The following GRIN2A variants were observed in gnomAD, a reference collection of about 807,000 sequenced individuals.
GRIN2A encodes glutamate receptor ionotropic, NMDA 2A.
Under a neutral mutation model 113.4 loss-of-function variants are expected in GRIN2A, and 22 were observed. The ratio of observed to expected loss-of-function variants is 0.19; its 90% confidence interval spans 0.14 to 0.28. GRIN2A has a LOEUF of 0.28. GRIN2A is among the 10% of genes least tolerant of loss of function. The probability of loss-of-function intolerance (pLI) is 1.00; values close to 1 mark genes in which losing one functional copy is unlikely to be tolerated. For synonymous variants in GRIN2A, 827 were observed against 738.4 expected, an observed-to-expected ratio of 1.12 and a Z score of -1.94; for missense variants, 1,502 against 1,887.0, an observed-to-expected ratio of 0.80 and a Z score of 3.78.
intron 10 of GRIN2A, among the ~76,000 whole-genome samples, chr16:9,820,665 T>A (rs944522613): frequency 5.3e-5 from 8 of 152,084 alleles, no homozygotes; most frequent in African/African-American, 1.9e-4. Context: ...TGTGGCTTTA[T>A]TTCTATGTTA....
intron 2 of GRIN2A, among the ~76,000 whole-genome samples, chr16:10,061,878 G>A (rs2047556623): frequency 6.6e-6 from 1 of 152,110 alleles, no homozygotes; most frequent in African/African-American, 2.4e-5. Flanking sequence ...AAGGCCAATC[G>A]AACTCAGCAG....
At chr16:10,081,280 C>T (rs1370600292) in intron 2 of GRIN2A, among the ~76,000 whole-genome samples, 1 of 152,206 alleles carries the variant, frequency 6.6e-6, no homozygotes, top group Non-Finnish European at 1.5e-5. Flanking sequence ...GTTAATTCCA[C>T]TTGCCTGGTT....
chr16:9,792,744 A>G (rs1283678666), intron 11 of GRIN2A, among the ~76,000 whole-genome samples: 2 of 152,168 alleles, frequency 1.3e-5, no homozygotes, highest in Non-Finnish European at 2.9e-5. Context: ...TAAATCCACA[A>G]CCATTAAAAC....
intron 4 of GRIN2A, among the ~76,000 whole-genome samples, chr16:9,863,298 G>T (rs919524246): frequency 6.6e-6 from 1 of 152,184 alleles, no homozygotes; most frequent in African/African-American, 2.4e-5. Context: ...CCAGGTTCTC[G>T]CCCCAATATG....
intron 2 of GRIN2A, among the ~76,000 whole-genome samples, chr16:10,118,409 T>C (rs1248540902): frequency 1.3e-5 from 2 of 152,190 alleles, no homozygotes. Flanking sequence ...GACATCAATG[T>C]ACTGCTGTGG....
rs571565157 is a variant in GRIN2A, at chr16:9,986,553, A to G, written c.415-48002T>C. Among the ~76,000 whole-genome samples the G allele has an allele frequency of 9.9e-5, 15 of 152,220 alleles. No individual in the cohort carries two copies. The South Asian group carries it at 3.1e-3, about 32-fold the overall frequency. On this transcript the variant is annotated intron_variant, in intron 2 of 12. Coordinates refer to ENST00000330684, the MANE Select transcript of GRIN2A (RefSeq NM_001134407.3). ...GCCAAGGTGGGCGGATCATGAGGTCAGGAGTTCGAGACCAGTCTGGTCAAC... is the reference window on the plus strand; with the variant it reads ...GCCAAGGTGGGCGGATCATGAGGTCGGGAGTTCGAGACCAGTCTGGTCAAC...
At chr16:10,037,234 T>A (rs1034933508) in intron 2 of GRIN2A, 2 of 151,962 alleles carry the variant, frequency 1.3e-5, no homozygotes, top group African/African-American at 4.8e-5. Context: ...CAAAACTCTA[T>A]CTCCCTAATG....
intron 2 of GRIN2A, among the ~76,000 whole-genome samples, chr16:10,007,827 C>G (rs2046431826): frequency 6.6e-6 from 1 of 152,076 alleles, no homozygotes; most frequent in African/African-American, 2.4e-5. Flanking sequence ...ATATGATTGA[C>G]TTGGAGACAC....
chr16:10,143,507 A>G (rs1159408402), intron 2 of GRIN2A, among the ~76,000 whole-genome samples: 1 of 152,204 alleles, frequency 6.6e-6, no homozygotes, highest in Admixed American at 6.5e-5. Flanking sequence ...TGATGATATT[A>G]AGGAATTATT....
At chr16:9,786,253 C>T (rs918907270) in intron 11 of GRIN2A, among the ~76,000 whole-genome samples, 2 of 152,176 alleles carry the variant, frequency 1.3e-5, no homozygotes, top group African/African-American at 2.4e-5. Context: ...AAGCCTGTAT[C>T]GAGGCCAAAC....
intron 2 of GRIN2A, among the ~76,000 whole-genome samples, chr16:10,083,844 G>A (rs1380475479): frequency 6.6e-6 from 1 of 152,182 alleles, no homozygotes; most frequent in African/African-American, 2.4e-5. Context: ...GCTCATGCCT[G>A]TAGTCCCAGA....
chr16:9,959,918 A>G (rs916550115), intron 2 of GRIN2A, among the ~76,000 whole-genome samples: 2 of 152,262 alleles, frequency 1.3e-5, no homozygotes, highest in African/African-American at 4.8e-5. Flanking sequence ...GGTTGCATTG[A>G]GCCAAAATCG....
chr16:9,771,735 C>A (rs1901286540), intron 11 of GRIN2A, among the ~76,000 whole-genome samples: 1 of 152,098 alleles, frequency 6.6e-6, no homozygotes, highest in South Asian at 2.1e-4. Flanking sequence ...CAGAAACATC[C>A]CTATAGAGAG....
rs541713079 is a variant in GRIN2A, at chr16:10,084,657, C to A, written c.414+95341G>T. 1.6e-4 allele frequency among the ~76,000 whole-genome samples: 24 copies of A among 152,298 alleles called. No individual in the cohort carries two copies. The South Asian group carries it at 5.0e-3, about 32-fold the overall frequency. ...TGTCATCTCCTCTGGGGAAGTTTTT[C>A]ATCATCTTTGCTCAATTAGGAATTA... On this transcript the variant is annotated intron_variant, in intron 2 of 12. Coordinates refer to ENST00000330684, the MANE Select transcript of GRIN2A (RefSeq NM_001134407.3).
At chr16:10,165,968 CA>C (rs1333499836) in intron 2 of GRIN2A, among the ~76,000 whole-genome samples, 1 of 152,190 alleles carries the variant, frequency 6.6e-6, no homozygotes, top group Non-Finnish European at 1.5e-5. Context: ...AAGCCATGCA[CA>C]CACCCTAACA....
At position 9,890,524 on chromosome 16, in the gene GRIN2A, C is replaced by T. The variant is rs1016757975; in HGVS notation, c.1122+462G>A. 2.0e-5 allele frequency among the ~76,000 whole-genome samples: 3 copies of T among 152,242 alleles called. No homozygotes were observed. The South Asian group carries it at 6.2e-4, about 32-fold the overall frequency. On this transcript the variant is annotated intron_variant, in intron 4 of 12. Coordinates refer to ENST00000330684, the MANE Select transcript of GRIN2A (RefSeq NM_001134407.3). Reference sequence around the variant, plus strand: ...ACCTCCCTCTCTAACTCATGATTTACAGAAGTGATACATTTAAGTTTTTAA... The same window carrying T: ...ACCTCCCTCTCTAACTCATGATTTATAGAAGTGATACATTTAAGTTTTTAA...
At chr16:9,960,527 G>C (rs561778634) in intron 2 of GRIN2A, among the ~76,000 whole-genome samples, 1 of 152,312 alleles carries the variant, frequency 6.6e-6, no homozygotes, top group South Asian at 2.1e-4. Context: ...GCCTAGGTAG[G>C]TAGGGAGAGC....
At chr16:9,821,536 A>G (rs556677704) in intron 10 of GRIN2A, among the ~76,000 whole-genome samples, 1 of 152,192 alleles carries the variant, frequency 6.6e-6, no homozygotes, top group Non-Finnish European at 1.5e-5. Flanking sequence ...TAACCTTTAC[A>G]ATAAATAACA....
At chr16:10,018,280 G>T (rs1379884978) in intron 2 of GRIN2A, among the ~76,000 whole-genome samples, 1 of 152,170 alleles carries the variant, frequency 6.6e-6, no homozygotes, top group Non-Finnish European at 1.5e-5. Context: ...TGAAACAGTG[G>T]TGGGTGTTAT....
Sources: gnomAD v4.1 joint callset for allele counts (sites outside exome capture counted in the v4.1 genomes callset) on GRCh38, gnomAD v4.1.1 for gene constraint, MANE v1.5 for transcripts, NCBI Gene and HGNC (gene_info 2026-07-23, HGNC 2026-07-21) for gene names.